ZNF670: variants seen among roughly 807,000 people sequenced by gnomAD.
ZNF670 encodes zinc finger protein 670.
ZNF670 carries 7 observed loss-of-function variants against 10.9 expected under a neutral mutation model. The observed-to-expected ratio is 0.64, with a 90% CI of 0.36 to 1.20. ZNF670 has a LOEUF of 1.20. Ranked by LOEUF, ZNF670 falls within the 50% of genes most tolerant of loss-of-function variation. The pLI is 0.02. For synonymous variants in ZNF670, 136 were observed against 152.7 expected (o/e 0.89, Z 0.81); for missense variants, 446 against 458.6 (o/e 0.97, Z 0.25).
At position 247,038,135 on chromosome 1, in the gene ZNF670, T is replaced by A; in HGVS notation, c.484A>T (p.Thr162Ser). The A allele has an allele frequency of 6.2e-7, 1 of 1,614,180 alleles. No homozygotes were observed. Among genetic ancestry groups the A allele is most frequent in the Non-Finnish European group, 8.5e-7 (1 of 1,180,016 alleles). The change falls in exon 4 of 4, where the codon ACA becomes TCA. Residue 162 changes from threonine (T) to serine (S), a missense_variant. Coordinates refer to ENST00000366503, the MANE Select transcript of ZNF670 (RefSeq NM_033213.5). Reference sequence around the variant, plus strand: ...TTATAAGGCCCATTACTAGTGTGTGTTACCATGTGTCTGTCAACACTGGTG... The same window carrying A: ...TTATAAGGCCCATTACTAGTGTGTGATACCATGTGTCTGTCAACACTGGTG... Reference protein sequence around the residue: ...SLTSVDRHMVTHTSNGPYKGP... With the variant: ...SLTSVDRHMVSHTSNGPYKGP...
intron 1 of ZNF670, among the ~76,000 whole-genome samples, chr1:247,075,942 T>C (rs1015428311): frequency 2.0e-5 from 3 of 152,250 alleles, no homozygotes; most frequent in Non-Finnish European, 4.4e-5. Flanking sequence ...AAATGGAATA[T>C]GAATAGATTT....
chr1:247,070,471 AAAAC>A (rs368795756), intron 1 of ZNF670, among the ~76,000 whole-genome samples: 3 of 152,138 alleles, frequency 2.0e-5, no homozygotes, highest in Non-Finnish European at 2.9e-5. Context: ...ACTCCGTCTC[AAAAC>A]AAACAAACAA....
rs140257831 is a variant in ZNF670 at position 247,050,247 on chromosome 1, G to A, written c.4-10710C>T. 3.4e-3 allele frequency among the ~76,000 whole-genome samples: 524 copies of A among 152,076 alleles called. 1 individual carries two copies. The highest frequency in any genetic ancestry group is 0.012 in the African/African-American group (493 of 41,478). On this transcript the variant is annotated intron_variant, in intron 1 of 3. Coordinates refer to ENST00000366503, the MANE Select transcript of ZNF670 (RefSeq NM_033213.5). ...CTTAAGACTGTGATATTTTCCTGTT[G>A]GACTAGTCTTTTTATCATTACATAA...
chr1:247,044,249 G>A (rs1230008660), intron 1 of ZNF670, among the ~76,000 whole-genome samples: 1 of 147,022 alleles, frequency 6.8e-6, no homozygotes, highest in African/African-American at 2.5e-5. Context: ...GAAATAATTG[G>A]AAAAAAAAAA....
chr1:247,049,405 CTCT>C (rs1409975106), intron 1 of ZNF670, among the ~76,000 whole-genome samples: 2 of 152,140 alleles, frequency 1.3e-5, no homozygotes, highest in Non-Finnish European at 2.9e-5. Context: ...TAGATTTTCT[CTCT>C]TCTTTTCTTG....
intron 1 of ZNF670, among the ~76,000 whole-genome samples, chr1:247,052,094 T>C (rs1670611848): frequency 6.6e-6 from 1 of 152,158 alleles, no homozygotes; most frequent in African/African-American, 2.4e-5. Context: ...TCCTGGCAAT[T>C]CAGAGATTTC....
At chr1:247,077,386 T>C (rs1309246580) in intron 1 of ZNF670, among the ~76,000 whole-genome samples, 1 of 152,140 alleles carries the variant, frequency 6.6e-6, no homozygotes, top group Admixed American at 6.6e-5. Flanking sequence ...AGAAAAGATA[T>C]AAGGGTGGCT....
rs574171097 is a variant in ZNF670, at chr1:247,063,575, A to T, written c.3+15019T>A. On this transcript the variant is annotated intron_variant, in intron 1 of 3. Coordinates refer to ENST00000366503, the MANE Select transcript of ZNF670 (RefSeq NM_033213.5). ...TCCAGCCTGGGCGACAGAGCGAGAC[A>T]CCAAAAAAAAAAAAAAAAAAAAGGA... Among the ~76,000 whole-genome samples, 19 of 101,528 alleles carry T rather than the reference A, an allele frequency of 1.9e-4. No individual in the cohort carries two copies. The South Asian group carries it at 4.8e-3, about 26-fold the overall frequency. 66.6% of individuals were successfully genotyped at this position (101,528 alleles called of 152,430 possible).
At chr1:247,065,895 A>C (rs1038054110) in intron 1 of ZNF670, among the ~76,000 whole-genome samples, 1 of 152,240 alleles carries the variant, frequency 6.6e-6, no homozygotes, top group African/African-American at 2.4e-5. Context: ...TTAAAAACCC[A>C]GCACTTTTTT....
intron 1 of ZNF670, among the ~76,000 whole-genome samples, chr1:247,057,817 G>T (rs1270854419): frequency 1.3e-5 from 2 of 152,136 alleles, no homozygotes; most frequent in African/African-American, 4.8e-5. Context: ...AAAGTAGAAG[G>T]ATGGTTACCA....
Position 247,037,326 on chromosome 1 carries a change from C to T in ZNF670, c.*123G>A. The T allele has an allele frequency of 8.4e-7, 1 of 1,185,336 alleles. No homozygotes were observed. Among genetic ancestry groups the T allele is most frequent in the Non-Finnish European group, 1.1e-6 (1 of 873,286 alleles). 73.4% of individuals were successfully genotyped at this position (1,185,336 alleles called of 1,614,324 possible). The stretch of plus-strand genomic sequence containing the variant: ...ATTGCATACATTCTAATCTTCCTTA[C>T]ATGTGTTGGGTTTCTCTCTAATTTG... On this transcript the variant is annotated 3_prime_UTR_variant, in exon 4 of 4. Coordinates refer to ENST00000366503, the MANE Select transcript of ZNF670 (RefSeq NM_033213.5).
At chr1:247,044,959 TAA>T (rs368235189) in intron 1 of ZNF670, among the ~76,000 whole-genome samples, 12 of 142,626 alleles carry the variant, frequency 8.4e-5, no homozygotes, top group Non-Finnish European at 1.9e-4. Flanking sequence ...ACACAAAAGT[TAA>T]AAAAAAAAAG....
intron 1 of ZNF670, among the ~76,000 whole-genome samples, chr1:247,040,925 C>T (rs1393856104): frequency 6.6e-6 from 1 of 152,168 alleles, no homozygotes; most frequent in Non-Finnish European, 1.5e-5. Context: ...GAACTCCTGA[C>T]CTCAGGTAAT....
At position 247,078,802 on chromosome 1, in the gene ZNF670, G is replaced by A. The variant is rs1572577824; in HGVS notation, c.-206C>T. The stretch of plus-strand genomic sequence containing the variant: ...AAGCTGCTCCCTCCTTTCGCGGCGC[G>A]CTTGAGAGTACAGTCCCCTTCCCAG... On this transcript the variant is annotated 5_prime_UTR_variant, in exon 1 of 4. Transcript: ENST00000366503. The A allele has an allele frequency of 1.7e-6, 1 of 592,280 alleles. No individual in the cohort carries two copies. The highest frequency in any genetic ancestry group is 2.9e-5 in the East Asian group (1 of 34,370). The allele number at this position is 592,280 out of a possible 1,614,324, so 36.7% of individuals were successfully genotyped here.
In ZNF670 at chr1:247,037,328, T is replaced by C. The variant is rs969809937; in HGVS notation, c.*121A>G. 1 of 1,192,182 alleles carries C rather than the reference T, an allele frequency of 8.4e-7. No individual in the cohort carries two copies. Among genetic ancestry groups the C allele is most frequent in the African/African-American group, 1.5e-5 (1 of 65,364 alleles). 73.9% of individuals were successfully genotyped at this position (1,192,182 alleles called of 1,614,324 possible). ...TGCATACATTCTAATCTTCCTTACATGTGTTGGGTTTCTCTCTAATTTGAG... is the reference window on the plus strand; with the variant it reads ...TGCATACATTCTAATCTTCCTTACACGTGTTGGGTTTCTCTCTAATTTGAG... On this transcript the variant is annotated 3_prime_UTR_variant, in exon 4 of 4. Coordinates refer to ENST00000366503, the MANE Select transcript of ZNF670 (RefSeq NM_033213.5).
chr1:247,035,570 T>C lies in ZNF670; in HGVS notation c.*1879A>G, dbSNP rs1192738034. ...CCATAATCCTGTAATATACAATTTA[T>C]TGTAGTGCTAATTACACATAATATA... On this transcript the variant is annotated 3_prime_UTR_variant, in exon 4 of 4. Coordinates refer to ENST00000366503, the MANE Select transcript of ZNF670 (RefSeq NM_033213.5). Among the ~76,000 whole-genome samples, 3 of 152,358 alleles carry C rather than the reference T, an allele frequency of 2.0e-5. No individual in the cohort carries two copies. Among genetic ancestry groups the C allele is most frequent in the African/African-American group, 4.8e-5 (2 of 41,584 alleles).
Position 247,037,960 on chromosome 1 carries a change from G to T in ZNF670, c.659C>A (p.Thr220Asn). Residue 220 changes from threonine to asparagine, a missense_variant, in exon 4 of 4, where the codon ACT (threonine) becomes AAT (asparagine). Physicochemically the swap from Thr to Asn is moderately conservative, Grantham distance 65. Coordinates refer to ENST00000366503, the MANE Select transcript of ZNF670 (RefSeq NM_033213.5). ...CTTACATGCATAGGGTTTCTCTCCAGTATGAGTTCTTTCATGTTCACGAAG... is the reference window on the plus strand; with the variant it reads ...CTTACATGCATAGGGTTTCTCTCCATTATGAGTTCTTTCATGTTCACGAAG... Reference protein sequence around the residue: ...SYLREHERTHTGEKPYACKKC... With the variant: ...SYLREHERTHNGEKPYACKKC... 6.2e-7 allele frequency: 1 copy of T among 1,613,652 alleles called. No homozygotes were observed. The highest frequency in any genetic ancestry group is 8.5e-7 in the Non-Finnish European group (1 of 1,179,866).
intron 3 of ZNF670, among the ~76,000 whole-genome samples, 176 bp downstream of exon 3, chr1:247,038,634 A>C (rs534388738): frequency 6.6e-6 from 1 of 152,310 alleles, no homozygotes; most frequent in Admixed American, 6.5e-5. Context: ...GGTGTTTCCA[A>C]GTAAAATATT....
intron 1 of ZNF670, among the ~76,000 whole-genome samples, chr1:247,067,603 G>A (rs1238407954): frequency 6.6e-6 from 1 of 150,768 alleles, no homozygotes; most frequent in Non-Finnish European, 1.5e-5. Flanking sequence ...AGCACTTTGG[G>A]AGGCCGAGGC....
Sources: gnomAD v4.1 joint callset for allele counts (sites outside exome capture counted in the v4.1 genomes callset) on GRCh38, gnomAD v4.1.1 for gene constraint, MANE v1.5 for transcripts, NCBI Gene and HGNC (gene_info 2026-07-23, HGNC 2026-07-21) for gene names.